RNFT2: variants seen among roughly 807,000 people sequenced by gnomAD.
RNFT2 encodes ring finger protein, transmembrane 2, also known as E3 ubiquitin-protein ligase RNFT2.
A neutral mutation model predicts 53.0 loss-of-function variants in RNFT2; 36 were observed. The observed-to-expected ratio is 0.68, with a 90% CI of 0.52 to 0.90. The LOEUF is 0.90. Ranked by LOEUF, RNFT2 falls within the 40% of genes least tolerant of loss-of-function variation. The pLI is 0.00. For synonymous variants in RNFT2, 260 were observed against 253.2 expected, an observed-to-expected ratio of 1.03 and a Z score of -0.26; for missense variants, 514 against 585.6, an observed-to-expected ratio of 0.88 and a Z score of 1.26.
chr12:116,798,929 T>G (rs1431318788), intron 7 of RNFT2, among the ~76,000 whole-genome samples: 3 of 152,192 alleles, frequency 2.0e-5, no homozygotes, highest in Admixed American at 1.3e-4. Flanking sequence ...AAATGACCAC[T>G]GACTTAGTGG....
At chr12:116,849,255 G>A (rs1201768322) in intron 10 of RNFT2, 59 bp from the exon 11 acceptor site, 9 of 1,421,812 alleles carry the variant, frequency 6.3e-6, no homozygotes, top group African/African-American at 4.2e-5. Flanking sequence ...TCCTGCTCCC[G>A]AGACCGAGGC....
At chr12:116,830,131 C>T (rs983398954) in intron 7 of RNFT2, among the ~76,000 whole-genome samples, 1 of 152,104 alleles carries the variant, frequency 6.6e-6, no homozygotes, top group African/African-American at 2.4e-5. Flanking sequence ...TTCCCATATA[C>T]CCTTCATTCC....
intron 5 of RNFT2, chr12:116,755,740 C>T (rs1872479115): frequency 2.7e-6 from 4 of 1,467,884 alleles, no homozygotes; most frequent in Non-Finnish European, 3.8e-6. Flanking sequence ...GAACAGTACC[C>T]ATTCCCTTGA....
Position 116,779,288 on chromosome 12 carries a change from C to G in RNFT2, c.822C>G (p.Thr274=). 1.9e-6 allele frequency: 3 copies of G among 1,613,984 alleles called. No homozygotes were observed. Among genetic ancestry groups the G allele is most frequent in the Non-Finnish European group, 2.5e-6 (3 of 1,179,888 alleles). ...CAGACTTTGTTCTGAAGTACATCAC[C>G]ATCGCCCTCAAGTGCCTCATCGTGG... ...GIADFVLKYI[T]IALKCLIVAL... is the part of the protein sequence containing the mutation. Residue 274 remains threonine, a synonymous_variant, in exon 7 of 11, where the codon ACC becomes ACG. Transcript: ENST00000257575.
chr12:116,843,108 G>A (rs1188727023), intron 10 of RNFT2, among the ~76,000 whole-genome samples: 10 of 152,028 alleles, frequency 6.6e-5, no homozygotes, highest in Admixed American at 6.6e-4. Context: ...TGGATCTTTG[G>A]GCAAGACCTG....
In RNFT2 at chr12:116,748,973, G is replaced by A. The variant is rs566125911; in HGVS notation, c.84-868G>A. On this transcript the variant is annotated intron_variant, in intron 3 of 10. Coordinates refer to ENST00000257575, the MANE Select transcript of RNFT2 (RefSeq NM_001382266.1). ...CAGGGTTGATGGGAGGATTTAGTAA[G>A]TTAATCAATGCAAAACACTCAGAAG... Among the ~76,000 whole-genome samples, 168 of 152,288 alleles carry A rather than the reference G, an allele frequency of 1.1e-3. 1 individual carries two copies. Among genetic ancestry groups the A allele is most frequent in the Middle Eastern group, 3.4e-3 (1 of 294 alleles).
At chr12:116,771,460 T>TAAA (rs35911608) in intron 6 of RNFT2, among the ~76,000 whole-genome samples, 38 of 64,120 alleles carry the variant, frequency 5.9e-4, no homozygotes, top group African/African-American at 2.1e-3. Flanking sequence ...ATCCTATCGT[T>TAAA]AAAAAAAAAA....
chr12:116,792,849 C>T (rs1303766543), intron 7 of RNFT2, among the ~76,000 whole-genome samples: 1 of 152,104 alleles, frequency 6.6e-6, no homozygotes, highest in African/African-American at 2.4e-5. Context: ...TCCGCACCAT[C>T]CACTGAGAAG....
chr12:116,755,363 G>T, intron 5 of RNFT2: 1 of 767,716 alleles, frequency 1.3e-6, no homozygotes, highest in Non-Finnish European at 2.3e-6. Flanking sequence ...TAGCCCAGAG[G>T]TCTTTTTTTT....
intron 9 of RNFT2, 47 bp downstream of exon 9, chr12:116,836,072 A>T (rs757713066): frequency 6.2e-7 from 1 of 1,607,878 alleles, no homozygotes; most frequent in Non-Finnish European, 8.5e-7. Flanking sequence ...AGAATCAGGA[A>T]CTGGAAACAG....
chr12:116,743,244 AC>A (rs1437250272), intron 3 of RNFT2, among the ~76,000 whole-genome samples: 1,160 of 61,660 alleles, frequency 0.019, 438 homozygotes, highest in Middle Eastern at 0.05. Flanking sequence ...AAAAAAAAAA[AC>A]CGGTTAAAAA....
intron 3 of RNFT2, among the ~76,000 whole-genome samples, chr12:116,745,882 T>C (rs139321200): frequency 0.01 from 1,568 of 152,246 alleles, 30 homozygotes; most frequent in African/African-American, 0.036. Flanking sequence ...TCTTTGACCT[T>C]GTGGAGTGGA....
At chr12:116,829,354 A>G (rs2137194929) in intron 7 of RNFT2, among the ~76,000 whole-genome samples, 1 of 152,168 alleles carries the variant, frequency 6.6e-6, no homozygotes, top group East Asian at 1.9e-4. Context: ...CCATCTTCCC[A>G]AAAGTTCCAG....
In RNFT2 at chr12:116,849,597, T is replaced by G; in HGVS notation, c.*149T>G. ...CTGACCCCAAAGTCCCGCCCCTGTC[T>G]TGTCCTTCTGACCTTCATCTTCCTC... On this transcript the variant is annotated 3_prime_UTR_variant, in exon 11 of 11. Coordinates refer to ENST00000257575, the MANE Select transcript of RNFT2 (RefSeq NM_001382266.1). 1 of 1,409,136 alleles carries G rather than the reference T, an allele frequency of 7.1e-7. No individual in the cohort carries two copies. The highest frequency in any genetic ancestry group is 9.3e-7 in the Non-Finnish European group (1 of 1,079,948). 87.3% of individuals were successfully genotyped at this position (1,409,136 alleles called of 1,614,324 possible).
chr12:116,784,997 G>A (rs997349690), intron 7 of RNFT2, among the ~76,000 whole-genome samples: 2 of 152,092 alleles, frequency 1.3e-5, no homozygotes, highest in Non-Finnish European at 2.9e-5. Context: ...CAAAGACCAA[G>A]CTCCACAGGT....
At position 116,750,091 on chromosome 12, in the gene RNFT2, C is replaced by T. The variant is rs1484163525; in HGVS notation, c.334C>T (p.Pro112Ser). The change falls in exon 4 of 11, where the codon CCC (proline) becomes TCC (serine). Residue 112 changes from proline (P) to serine (S), a missense_variant. Around this residue, in one of 3 missense-constraint regions of RNFT2, gnomAD observed 237 missense variants for 235.1 expected, o/e 1.01. Coordinates refer to ENST00000257575, the MANE Select transcript of RNFT2 (RefSeq NM_001382266.1). ...GGGGGGCGCCTACCACCACCGCCAG[C>T]CCCACCACCATTTCCACCATGGCGG... is the stretch of plus-strand genomic sequence containing the variant. Reference protein sequence around the residue: ...GEGGAYHHRQPHHHFHHGGHR... With the variant: ...GEGGAYHHRQSHHHFHHGGHR... 6.4e-7 allele frequency: 1 copy of T among 1,552,718 alleles called. No homozygotes were observed. The highest frequency in any genetic ancestry group is 8.7e-7 in the Non-Finnish European group (1 of 1,154,170).
At chr12:116,805,121 C>CTTT (rs35830752) in intron 7 of RNFT2, among the ~76,000 whole-genome samples, 3,234 of 143,330 alleles carry the variant, frequency 0.023, 61 homozygotes, top group South Asian at 0.066. Context: ...AAGACATTGT[C>CTTT]TTTTTTTTTT....
chr12:116,794,684 G>A (rs1308723040), intron 7 of RNFT2, among the ~76,000 whole-genome samples: 2 of 116,322 alleles, frequency 1.7e-5, no homozygotes, highest in Non-Finnish European at 3.5e-5. Context: ...GGGAGGGAGG[G>A]AGGGAGGGAA....
In RNFT2 at chr12:116,852,924, C is replaced by G. The variant is rs1461208950; in HGVS notation, c.*3476C>G. The G allele has an allele frequency of 1.7e-6, 1 of 598,446 alleles. No individual in the cohort carries two copies. Among genetic ancestry groups the G allele is most frequent in the Non-Finnish European group, 3.0e-6 (1 of 338,776 alleles). The allele number at this position is 598,446 out of a possible 1,614,324, so 37.1% of individuals were successfully genotyped here. A position where few individuals can be genotyped will look rare whatever the true frequency, so the allele number is the denominator to read the frequency against. Reference sequence around the variant, plus strand: ...TGCCCATGCCACCAAAACAATAAAACAAAATTCTCTAACACTGCAAAGAGT... The same window carrying G: ...TGCCCATGCCACCAAAACAATAAAAGAAAATTCTCTAACACTGCAAAGAGT... On this transcript the variant is annotated 3_prime_UTR_variant, in exon 11 of 11. Transcript: ENST00000257575.
Sources: allele counts gnomAD v4.1 joint callset (sites outside exome capture counted in the v4.1 genomes callset), GRCh38; gene constraint gnomAD v4.1.1; regional missense constraint gnomAD v4.1.1; transcripts MANE v1.5; gene names NCBI Gene and HGNC (gene_info 2026-07-23, HGNC 2026-07-21).